Variants in RGS6 observed in about 807,000 individuals in gnomAD.
RGS6 encodes regulator of G protein signaling 6.
Under a neutral mutation model 78.5 loss-of-function variants are expected in RGS6, and 30 were observed. The ratio of observed to expected loss-of-function variants is 0.38; its 90% CI spans 0.29 to 0.52. RGS6 has a LOEUF of 0.52. Among genes scored for constraint, RGS6 ranks in the 20% least tolerant of loss-of-function variants. The pLI is 0.85. For synonymous variants in RGS6, 206 were observed against 206.0 expected (o/e 1.00, Z 0.00); for missense variants, 495 against 609.7 (o/e 0.81, Z 1.98).
chr14:72,619,973 G>A, the RGS6 span: 1 of 1,534,462 alleles, frequency 6.5e-7, no homozygotes, highest in Non-Finnish European at 8.7e-7. Flanking sequence ...CATCGCAGAA[G>A]AGTAGCTGGT....
At chr14:72,533,664 G>A (rs2097210130) in intron 15 of RGS6, among the ~76,000 whole-genome samples, 1 of 152,220 alleles carries the variant, frequency 6.6e-6, no homozygotes, top group African/African-American at 2.4e-5. Flanking sequence ...TGGGAGTTTG[G>A]AAGAAGTTGA....
the RGS6 span, among the ~76,000 whole-genome samples, chr14:71,883,489 G>T: frequency 6.6e-6 from 1 of 152,174 alleles, no homozygotes; most frequent in South Asian, 2.1e-4. Flanking sequence ...AACCCTCAGT[G>T]TGGCCCGGCC....
At chr14:72,569,021 A>T (rs1016279774), downstream of RGS6, among the ~76,000 whole-genome samples, 3 of 152,164 alleles carry the variant, frequency 2.0e-5, no homozygotes, top group African/African-American at 7.2e-5. Context: ...AAGTCCCTGG[A>T]TATCTCTTCC....
intron 2 of RGS6, among the ~76,000 whole-genome samples, chr14:72,287,639 G>T (rs1249033679): frequency 6.6e-6 from 1 of 152,048 alleles, no homozygotes; most frequent in Admixed American, 6.5e-5. Context: ...TGTATTTTTA[G>T]TAGAGACGGA....
chr14:72,372,348 T>C (rs547328125), intron 3 of RGS6, among the ~76,000 whole-genome samples: 1 of 152,324 alleles, frequency 6.6e-6, no homozygotes, highest in African/African-American at 2.4e-5. Flanking sequence ...CATTTTTATA[T>C]AAAATTTAAA....
intron 2 of RGS6, among the ~76,000 whole-genome samples, chr14:72,169,032 C>T (rs142192167): frequency 2.6e-5 from 4 of 152,330 alleles, no homozygotes; most frequent in South Asian, 2.1e-4. Context: ...CCACCACCAC[C>T]GCTTTTGAAT....
chr14:72,543,442 T>C (rs2097352506), intron 17 of RGS6, among the ~76,000 whole-genome samples: 1 of 152,220 alleles, frequency 6.6e-6, no homozygotes, highest in African/African-American at 2.4e-5. Context: ...AGCCTGTCTC[T>C]GCCTAATCCT....
chr14:72,219,568 G>A (rs1380899227), intron 2 of RGS6, among the ~76,000 whole-genome samples: 1 of 151,984 alleles, frequency 6.6e-6, no homozygotes, highest in East Asian at 1.9e-4. Flanking sequence ...CCAACCAAGT[G>A]ACTTAATTTT....
intron 2 of RGS6, among the ~76,000 whole-genome samples, chr14:72,013,462 G>A (rs1294604287): frequency 6.6e-6 from 1 of 151,782 alleles, no homozygotes; most frequent in Non-Finnish European, 1.5e-5. Context: ...AAATTTAAAA[G>A]GTAAATAGGA....
chr14:72,488,156 C>G (rs138544618), intron 12 of RGS6, among the ~76,000 whole-genome samples: 1 of 152,194 alleles, frequency 6.6e-6, no homozygotes, highest in African/African-American at 2.4e-5. Context: ...AATTTCCCTT[C>G]CGACCAGTAC....
At chr14:72,424,559 A>T (rs1434863319) in intron 3 of RGS6, among the ~76,000 whole-genome samples, 1 of 152,136 alleles carries the variant, frequency 6.6e-6, no homozygotes, top group Non-Finnish European at 1.5e-5. Flanking sequence ...GAGGGGTTGT[A>T]AAAAAAGATT....
chr14:72,028,363 A>G (rs998975887), intron 2 of RGS6, among the ~76,000 whole-genome samples: 6 of 152,248 alleles, frequency 3.9e-5, no homozygotes, highest in African/African-American at 1.4e-4. Context: ...AGGAAATAAA[A>G]GACAAACAAG....
Position 72,197,161 on chromosome 14 carries a change from G to A in RGS6, c.85-154934G>A, listed in dbSNP as rs2040370498. ...GCTCACTTCTACCTCTGTCTCCTGG[G>A]TTCAAGCCATTCTCCTGCCTCAGTC... is the stretch of plus-strand genomic sequence containing the variant. On this transcript the variant is annotated intron_variant, in intron 2 of 17. Coordinates refer to ENST00000553525, the MANE Select transcript of RGS6 (RefSeq NM_001204424.2). Among the ~76,000 whole-genome samples, 3 of 152,198 alleles carry A rather than the reference G, an allele frequency of 2.0e-5. No homozygotes were observed. In the South Asian group the frequency reaches 6.2e-4, roughly 31 times the overall value.
intron 2 of RGS6, among the ~76,000 whole-genome samples, chr14:72,120,657 C>G (rs2096024795): frequency 6.6e-6 from 1 of 152,174 alleles, no homozygotes; most frequent in South Asian, 2.1e-4. Context: ...CTTACTGATT[C>G]ATGCAATGGC....
At chr14:72,009,587 TTA>T (rs1212450161) in intron 2 of RGS6, among the ~76,000 whole-genome samples, 1 of 152,248 alleles carries the variant, frequency 6.6e-6, no homozygotes, top group Admixed American at 6.5e-5. Flanking sequence ...ATGAATAATA[TTA>T]TATGAGTCCT....
intron 2 of RGS6, among the ~76,000 whole-genome samples, chr14:72,090,229 G>T (rs1288509461): frequency 2.0e-5 from 3 of 151,888 alleles, no homozygotes; most frequent in Non-Finnish European, 2.9e-5. Flanking sequence ...GTTGGACAAA[G>T]TTAGTAATTT....
chr14:72,336,644 A>G (rs749653401), intron 2 of RGS6, among the ~76,000 whole-genome samples: 2 of 152,186 alleles, frequency 1.3e-5, no homozygotes, highest in East Asian at 3.8e-4. Context: ...GGAAAAAAAT[A>G]ATTTCTATGA....
chr14:72,137,326 T>A (rs2096460228), intron 2 of RGS6, among the ~76,000 whole-genome samples: 1 of 152,148 alleles, frequency 6.6e-6, no homozygotes. Context: ...ACCAAACTGC[T>A]TTTTCTATTC....
the RGS6 span, among the ~76,000 whole-genome samples, chr14:72,592,044 A>G: frequency 6.6e-6 from 1 of 152,240 alleles, no homozygotes; most frequent in African/African-American, 2.4e-5. Context: ...GATGAATAGC[A>G]ACAAACACCT....
Sources: gnomAD v4.1 joint callset for allele counts (sites outside exome capture counted in the v4.1 genomes callset) on GRCh38, gnomAD v4.1.1 for gene constraint, MANE v1.5 for transcripts, NCBI Gene and HGNC (gene_info 2026-07-23, HGNC 2026-07-21) for gene names.